Variants in TANK observed in about 807,000 individuals in gnomAD.
The protein encoded by TANK is TRAF family member associated NFKB activator.
Under a neutral mutation model 43.6 loss-of-function variants are expected in TANK, and 15 were observed. The observed-to-expected ratio is 0.34, with a 90% CI of 0.23 to 0.53. TANK has a LOEUF of 0.53. Ranked by LOEUF, TANK falls within the 20% of genes least tolerant of loss-of-function variation. TANK has a pLI of 0.94. For missense variants in TANK, 417 were observed against 498.6 expected, an observed-to-expected ratio of 0.84 and a Z score of 1.56; for synonymous variants, 162 against 178.2, an observed-to-expected ratio of 0.91 and a Z score of 0.73.
intron 4 of TANK, among the ~76,000 whole-genome samples, chr2:161,206,580 T>A (rs1686663873): frequency 1.3e-5 from 2 of 152,148 alleles, no homozygotes; most frequent in Admixed American, 1.3e-4. Flanking sequence ...CATATATTTT[T>A]ATTTTAAACC....
chr2:161,203,160 G>A (rs1034786065), intron 2 of TANK, among the ~76,000 whole-genome samples: 1 of 151,014 alleles, frequency 6.6e-6, no homozygotes, highest in Non-Finnish European at 1.5e-5. Context: ...TGTATCATTT[G>A]TGCTTTTTTT....
chr2:161,208,999 T>A (rs745701326), intron 4 of TANK, among the ~76,000 whole-genome samples: 20 of 152,162 alleles, frequency 1.3e-4, no homozygotes, highest in Non-Finnish European at 1.9e-4. Flanking sequence ...ATGTGAAAGA[T>A]CAAGAGACAA....
chr2:161,162,333 G>C (rs1279253583), intron 1 of TANK, among the ~76,000 whole-genome samples: 1 of 151,810 alleles, frequency 6.6e-6, no homozygotes, highest in African/African-American at 2.4e-5. Context: ...AACATAAACT[G>C]TTCATGCTTC....
intron 2 of TANK, among the ~76,000 whole-genome samples, chr2:161,195,312 T>C (rs1374929457): frequency 6.6e-6 from 1 of 152,102 alleles, no homozygotes; most frequent in Non-Finnish European, 1.5e-5. Flanking sequence ...AATCAAACAA[T>C]CTCACAAATA....
chr2:161,231,667 C>A, intron 7 of TANK, 116 bp downstream of exon 7: 1 of 946,246 alleles, frequency 1.1e-6, no homozygotes, highest in Non-Finnish European at 1.6e-6. Context: ...TACTGACAGC[C>A]AAAGTTAAGG....
chr2:161,173,257 T>C (rs1335959730), intron 1 of TANK, among the ~76,000 whole-genome samples: 2 of 152,140 alleles, frequency 1.3e-5, no homozygotes, highest in African/African-American at 4.8e-5. Context: ...CTCACCTCGC[T>C]ATCATCTCTG....
At chr2:161,160,421 T>A, upstream of TANK, 1 of 1,240,914 alleles carries the variant, frequency 8.1e-7, no homozygotes, top group Non-Finnish European at 1.0e-6. Flanking sequence ...AACTTCCGGT[T>A]GGAGTCACTC....
At chr2:161,177,862 A>G (rs1408233592) in intron 1 of TANK, among the ~76,000 whole-genome samples, 3 of 152,126 alleles carry the variant, frequency 2.0e-5, no homozygotes, top group Admixed American at 1.3e-4. Context: ...TTACAAGTGG[A>G]CACAGGATTT....
At position 161,149,093 on chromosome 2, in the gene TANK, TTAATAA is replaced by T. The variant is rs1248535968; in HGVS notation, c.-50+12033_-50+12038del. Reference sequence around the variant, plus strand: ...GATCAATTTGTGGAGTACTGCCATCTTAATAATATTAAGTCTTCCAATCCATGGACA... The same window carrying T: ...GATCAATTTGTGGAGTACTGCCATCTTATTAAGTCTTCCAATCCATGGACA... On this transcript the variant is annotated intron_variant, in intron 1 of 7. Transcript: ENST00000259075. 2.0e-5 allele frequency among the ~76,000 whole-genome samples: 3 copies of T among 152,218 alleles called. No homozygotes were observed. The East Asian group carries it at 5.8e-4, about 29-fold the overall frequency.
At position 161,231,381 on chromosome 2, in the gene TANK, C is replaced by G; in HGVS notation, c.931C>G (p.Pro311Ala). ...QNLKTTDKTK[P>A]SNLVNTCIRT... ...CCTTAAAACAACTGACAAAACAAAG[C>G]CCTCAAATCTCGTAAACACTTGTAT... The change falls in exon 7 of 8, where the codon CCC becomes GCC. Residue 311 changes from proline to alanine, a missense_variant. By Grantham distance (27) the Pro-to-Ala change is conservative. Transcript: ENST00000392749. 1 of 1,614,132 alleles carries G rather than the reference C, an allele frequency of 6.2e-7. No homozygotes were observed. Among genetic ancestry groups the G allele is most frequent in the Non-Finnish European group, 8.5e-7 (1 of 1,180,000 alleles).
At chr2:161,199,577 G>A (rs1686311792) in intron 2 of TANK, among the ~76,000 whole-genome samples, 1 of 152,150 alleles carries the variant, frequency 6.6e-6, no homozygotes, top group Admixed American at 6.5e-5. Context: ...TAGTTTTGAA[G>A]AGGAAATACT....
chr2:161,230,674 A>G (rs1035851149), intron 6 of TANK, among the ~76,000 whole-genome samples: 4 of 152,256 alleles, frequency 2.6e-5, no homozygotes, highest in African/African-American at 4.8e-5. Context: ...ATACACTACA[A>G]GCAAATGTTT....
chr2:161,137,489 A>G (rs1455908136), intron 1 of TANK, among the ~76,000 whole-genome samples: 1 of 152,178 alleles, frequency 6.6e-6, no homozygotes, highest in Non-Finnish European at 1.5e-5. Context: ...TTTTAAGTTT[A>G]TATCTGGAAT....
rs577947338 is a variant in TANK, at chr2:161,229,352, CA to C, written c.521-1618del. On this transcript the variant is annotated intron_variant, in intron 6 of 7. Transcript: ENST00000392749. The stretch of plus-strand genomic sequence containing the variant: ...CTGAGATCTGAGGGGCTTGTAGAGC[CA>C]TCAAAAGATTTTATTAGGAAGGTAA... Among the ~76,000 whole-genome samples the C allele has an allele frequency of 4.6e-5, 7 of 152,058 alleles. No individual in the cohort carries two copies. The South Asian group carries it at 1.5e-3, about 32-fold the overall frequency.
At chr2:161,179,568 T>C in intron 1 of TANK, 46 bp from the exon 2 acceptor site, 1 of 1,511,704 alleles carries the variant, frequency 6.6e-7, no homozygotes, top group Non-Finnish European at 8.9e-7. Context: ...TAAAATGAGG[T>C]TTATGTAACT....
At chr2:161,181,444 A>T (rs1477632998) in intron 2 of TANK, among the ~76,000 whole-genome samples, 2 of 152,152 alleles carry the variant, frequency 1.3e-5, no homozygotes, top group East Asian at 3.9e-4. Context: ...AACAACAAAA[A>T]AAAACTACCT....
intron 1 of TANK, chr2:161,139,825 G>A (rs1392152465): frequency 8.1e-6 from 8 of 985,250 alleles, no homozygotes; most frequent in Admixed American, 6.2e-5. Flanking sequence ...CTATTCCTAC[G>A]CTTTGTGCAA....
In TANK at chr2:161,142,704, A is replaced by C. The variant is rs977567627; in HGVS notation, c.-50+5641A>C. 2.0e-5 allele frequency among the ~76,000 whole-genome samples: 3 copies of C among 152,232 alleles called. No homozygotes were observed. The South Asian group carries it at 6.2e-4, about 32-fold the overall frequency. ...ATATGTCTGTTTTGGTACCAGTACC[A>C]TGCTCTTTTGGTTACTGTAGCCTTA... On this transcript the variant is annotated intron_variant, in intron 1 of 7. Coordinates refer to the TANK transcript ENST00000259075.
chr2:161,172,828 A>G (rs1047107860), intron 1 of TANK, among the ~76,000 whole-genome samples: 13 of 151,880 alleles, frequency 8.6e-5, no homozygotes, highest in South Asian at 4.1e-4. Context: ...TGTTGATTCT[A>G]CTCTTGAAAT....
Sources: allele counts gnomAD v4.1 joint callset (sites outside exome capture counted in the v4.1 genomes callset), GRCh38; gene constraint gnomAD v4.1.1; transcripts MANE v1.5; gene names NCBI Gene and HGNC (gene_info 2026-07-23, HGNC 2026-07-21).